The following LDLRAD3 variants were observed in gnomAD, a reference collection of about 807,000 sequenced individuals.
LDLRAD3 encodes low density lipoprotein receptor class A domain containing 3.
In LDLRAD3, 20 loss-of-function variants were observed where a neutral mutation model predicts 29.4. That is an observed-to-expected ratio of 0.68 (90% confidence interval 0.48 to 0.99). The LOEUF is 0.99. LDLRAD3 is among the 50% of genes least tolerant of loss of function. LDLRAD3 has a pLI of 0.00. For missense variants in LDLRAD3, 420 were observed against 454.3 expected, an observed-to-expected ratio of 0.92 and a Z score of 0.69; for synonymous variants, 157 against 192.7, an observed-to-expected ratio of 0.81 and a Z score of 1.53.
intron 4 of LDLRAD3, among the ~76,000 whole-genome samples, chr11:36,225,675 G>A (rs894354070): frequency 1.3e-5 from 2 of 151,962 alleles, no homozygotes; most frequent in African/African-American, 4.8e-5. Context: ...CTTGGTCAGG[G>A]GAACTGACTT....
In LDLRAD3 at chr11:36,189,648, A is replaced by G. The variant is rs183874662; in HGVS notation, c.455-37437A>G. 1.6e-3 allele frequency among the ~76,000 whole-genome samples: 238 copies of G among 152,112 alleles called. 3 individuals carry two copies. Among genetic ancestry groups the G allele is most frequent in the Admixed American group, 0.014 (221 of 15,272 alleles). On this transcript the variant is annotated intron_variant, in intron 4 of 5. Transcript: ENST00000315571. ...CAACATGCAGGTTTGTTACATATGT[A>G]TACATGTGCCATGTTGGTGTGCTGC...
At chr11:36,226,066 C>CAAAT (rs3081279) in intron 4 of LDLRAD3, among the ~76,000 whole-genome samples, 89,836 of 147,772 alleles carry the variant, frequency 0.61, 28,968 homozygotes, top group Non-Finnish European at 0.73. Context: ...GACCCTGTCT[C>CAAAT]AAATAAATAA....
At position 36,017,870 on chromosome 11, in the gene LDLRAD3, G is replaced by C. The variant is rs141831142; in HGVS notation, c.47-18233G>C. Among the ~76,000 whole-genome samples the C allele has an allele frequency of 4.0e-3, 610 of 152,200 alleles. 1 individual carries two copies. The highest frequency in any genetic ancestry group is 6.3e-3 in the Non-Finnish European group (426 of 68,012). On this transcript the variant is annotated intron_variant, in intron 1 of 5. Transcript: ENST00000315571. Reference sequence around the variant, plus strand: ...CTTCAAAGATATGCTTCAGGATCTTGGTCCCGCTTGTTTAAAATTTCCATT... The same window carrying C: ...CTTCAAAGATATGCTTCAGGATCTTCGTCCCGCTTGTTTAAAATTTCCATT...
At chr11:36,000,246 CTA>C (rs1851806637) in intron 1 of LDLRAD3, among the ~76,000 whole-genome samples, 1 of 148,862 alleles carries the variant, frequency 6.7e-6, no homozygotes, top group Non-Finnish European at 1.5e-5. Context: ...TGTATACATG[CTA>C]TATACTATAT....
At chr11:36,098,489 TAATTG>T in intron 4 of LDLRAD3, 28 bp downstream of exon 4, 1 of 1,613,530 alleles carries the variant, frequency 6.2e-7, no homozygotes, top group Non-Finnish European at 8.5e-7. Context: ...TCTAAAAAGA[TAATTG>T]CAACACAACA....
chr11:36,103,668 C>G (rs1160106687), intron 4 of LDLRAD3, among the ~76,000 whole-genome samples: 4 of 152,170 alleles, frequency 2.6e-5, no homozygotes, highest in African/African-American at 9.6e-5. Flanking sequence ...TGGGCAACAC[C>G]CTTTTCCACG....
At chr11:36,144,210 C>T (rs1033865753) in intron 4 of LDLRAD3, among the ~76,000 whole-genome samples, 2 of 151,976 alleles carry the variant, frequency 1.3e-5, no homozygotes, top group African/African-American at 4.8e-5. Context: ...GGATGGCAGA[C>T]AGAGTTGCGT....
intron 2 of LDLRAD3, among the ~76,000 whole-genome samples, chr11:36,067,908 A>G (rs1220906139): frequency 1.3e-5 from 2 of 152,122 alleles, no homozygotes; most frequent in Non-Finnish European, 2.9e-5. Context: ...AGTTCAAGCA[A>G]TCCACTCGTC....
At chr11:35,982,589 A>G (rs755449886) in intron 1 of LDLRAD3, among the ~76,000 whole-genome samples, 25 of 152,158 alleles carry the variant, frequency 1.6e-4, no homozygotes, top group Non-Finnish European at 3.2e-4. Flanking sequence ...TCATGAAGCC[A>G]TGGACTTACT....
At chr11:36,041,202 A>G (rs932469925) in intron 2 of LDLRAD3, among the ~76,000 whole-genome samples, 1 of 152,216 alleles carries the variant, frequency 6.6e-6, no homozygotes, top group East Asian at 1.9e-4. Context: ...TTATGAGGAG[A>G]GCTTATTAGA....
intron 2 of LDLRAD3, among the ~76,000 whole-genome samples, chr11:36,051,780 G>GAAAAA (rs1852532257): frequency 6.6e-6 from 1 of 152,060 alleles, no homozygotes; most frequent in Non-Finnish European, 1.5e-5. Context: ...AAAAGAAAAA[G>GAAAAA]AAAAGTGAAA....
chr11:36,061,333 G>T (rs1366741591), intron 2 of LDLRAD3, among the ~76,000 whole-genome samples: 2 of 152,084 alleles, frequency 1.3e-5, no homozygotes, highest in Non-Finnish European at 2.9e-5. Flanking sequence ...TAGAGACGGG[G>T]TTTCACCATG....
intron 4 of LDLRAD3, among the ~76,000 whole-genome samples, chr11:36,142,658 C>T (rs187380839): frequency 6.6e-5 from 10 of 152,112 alleles, no homozygotes; most frequent in Admixed American, 2.6e-4. Flanking sequence ...AGTGGTGCAC[C>T]CGGTGCAGCC....
intron 4 of LDLRAD3, among the ~76,000 whole-genome samples, chr11:36,192,888 G>A (rs1330223572): frequency 6.6e-6 from 1 of 152,136 alleles, no homozygotes; most frequent in African/African-American, 2.4e-5. Flanking sequence ...ATGGACTTTG[G>A]AGCCAAACTC....
At chr11:36,065,752 C>T (rs1434280779) in intron 2 of LDLRAD3, among the ~76,000 whole-genome samples, 1 of 152,190 alleles carries the variant, frequency 6.6e-6, no homozygotes, top group South Asian at 2.1e-4. Context: ...GTGGGTGTTA[C>T]AGTGGCTTAT....
chr11:35,970,005 C>T (rs1427855942), intron 1 of LDLRAD3, among the ~76,000 whole-genome samples: 3 of 152,184 alleles, frequency 2.0e-5, no homozygotes, highest in Non-Finnish European at 4.4e-5. Flanking sequence ...GAAGCTAGGC[C>T]TGATCTTCTG....
intron 2 of LDLRAD3, among the ~76,000 whole-genome samples, chr11:36,081,345 G>A (rs139229880): frequency 4.7e-4 from 72 of 152,272 alleles, no homozygotes; most frequent in African/African-American, 1.7e-3. Flanking sequence ...TCATCTACTC[G>A]TCATCCATTT....
intron 3 of LDLRAD3, among the ~76,000 whole-genome samples, chr11:36,090,868 T>A (rs983562078): frequency 6.6e-6 from 1 of 152,148 alleles, no homozygotes; most frequent in African/African-American, 2.4e-5. Flanking sequence ...GGGGACCTGG[T>A]AGCCTTGGGG....
At chr11:35,952,413 T>TG (rs951516160) in intron 1 of LDLRAD3, among the ~76,000 whole-genome samples, 15 of 152,240 alleles carry the variant, frequency 9.9e-5, no homozygotes, top group South Asian at 2.1e-4. Flanking sequence ...GCCATTGGAG[T>TG]GGGGGGCATC....
Sources: allele counts gnomAD v4.1 joint callset (sites outside exome capture counted in the v4.1 genomes callset), GRCh38; gene constraint gnomAD v4.1.1; transcripts MANE v1.5; gene names NCBI Gene and HGNC (gene_info 2026-07-23, HGNC 2026-07-21).